FAM47E: variants seen among roughly 807,000 people sequenced by gnomAD.
FAM47E encodes family with sequence similarity 47 member E.
A neutral mutation model predicts 41.6 loss-of-function variants in FAM47E; 32 were observed. The observed-to-expected ratio is 0.77, with a 90% CI of 0.58 to 1.03. The LOEUF (loss-of-function observed/expected upper bound fraction) is 1.03. Ranked by LOEUF, FAM47E falls within the 50% of genes least tolerant of loss-of-function variation. The probability of loss-of-function intolerance (pLI) is 0.00; values close to 1 mark genes in which losing one functional copy is unlikely to be tolerated. For synonymous variants in FAM47E, 184 were observed against 188.7 expected (o/e 0.98, Z 0.20); for missense variants, 424 against 485.4 (o/e 0.87, Z 1.19).
chr4:76,233,704 T>A (rs1288734897), intron 2 of FAM47E, among the ~76,000 whole-genome samples: 1 of 151,870 alleles, frequency 6.6e-6, no homozygotes, highest in African/African-American at 2.4e-5. Context: ...TAGGAAAACA[T>A]CCAGATACCA....
chr4:76,245,746 A>G (rs993204954), intron 2 of FAM47E, among the ~76,000 whole-genome samples: 14 of 151,824 alleles, frequency 9.2e-5, no homozygotes, highest in African/African-American at 2.9e-4. Flanking sequence ...TTCATGGCCC[A>G]CTGTTCAACA....
intron 2 of FAM47E, among the ~76,000 whole-genome samples, chr4:76,228,182 A>C (rs4530661): frequency 0.59 from 89,613 of 151,496 alleles, 28,094 homozygotes; most frequent in Non-Finnish European, 0.71. Flanking sequence ...TTTTATTTCA[A>C]GATTTAGAAT....
chr4:76,225,959 A>G (rs939162581), intron 2 of FAM47E, among the ~76,000 whole-genome samples: 2 of 152,258 alleles, frequency 1.3e-5, no homozygotes, highest in Middle Eastern at 3.4e-3. Flanking sequence ...TTTCAGTGAA[A>G]TTGGTACCAA....
intron 2 of FAM47E, among the ~76,000 whole-genome samples, chr4:76,244,886 T>C (rs1035340052): frequency 2.0e-5 from 3 of 152,196 alleles, no homozygotes; most frequent in Non-Finnish European, 2.9e-5. Flanking sequence ...TTATAAGAGG[T>C]ACATTTTTGT....
chr4:76,218,310 A>G (rs1733249491), intron 2 of FAM47E, among the ~76,000 whole-genome samples: 2 of 152,258 alleles, frequency 1.3e-5, no homozygotes, highest in Admixed American at 6.5e-5. Context: ...TACAGCCTCC[A>G]TAAGAAAAAA....
Position 76,256,341 on chromosome 4 carries a change from C to G in FAM47E, c.238C>G (p.His80Asp). ...PVEGFLPQIYHRAPQLAPKKR... is the reference protein window; with the variant it reads ...PVEGFLPQIYDRAPQLAPKKR... ...GGAGGGCTTTCTGCCCCAGATTTAT[C>G]ACAGAGCTCCCCAACTGGCCCCAAA... Residue 80 changes from histidine (H) to aspartate (D), a missense_variant, in exon 2 of 8, where the codon CAC becomes GAC. By Grantham distance (81) the His-to-Asp change is moderately conservative. Transcript: ENST00000424749. The G allele has an allele frequency of 6.4e-7, 1 of 1,551,732 alleles. No homozygotes were observed. The highest frequency in any genetic ancestry group is 8.7e-7 in the Non-Finnish European group (1 of 1,147,022).
chr4:76,227,069 T>C (rs1046829850), intron 2 of FAM47E, among the ~76,000 whole-genome samples: 2 of 152,092 alleles, frequency 1.3e-5, no homozygotes, highest in African/African-American at 4.8e-5. Context: ...TCTGCTGGGT[T>C]TGGGTTTGGT....
chr4:76,272,252 G>A (rs1418781309), intron 5 of FAM47E, among the ~76,000 whole-genome samples: 4 of 152,124 alleles, frequency 2.6e-5, no homozygotes, highest in Non-Finnish European at 4.4e-5. Context: ...GAAGAACAAG[G>A]TAACAGAAAG....
At chr4:76,266,623 TCA>T (rs1210899075) in intron 3 of FAM47E, among the ~76,000 whole-genome samples, 3 of 152,218 alleles carry the variant, frequency 2.0e-5, no homozygotes, top group Non-Finnish European at 4.4e-5. Context: ...AGTCTATTTG[TCA>T]CACAGTAGCT....
chr4:76,240,516 C>T (rs1733686127), intron 2 of FAM47E, among the ~76,000 whole-genome samples: 1 of 152,160 alleles, frequency 6.6e-6, no homozygotes, highest in African/African-American at 2.4e-5. Flanking sequence ...AAGGACTCCC[C>T]ATAAAGCCTG....
At chr4:76,252,823 C>G (rs1205092960) in intron 1 of FAM47E, among the ~76,000 whole-genome samples, 6 of 152,148 alleles carry the variant, frequency 3.9e-5, no homozygotes, top group Admixed American at 1.3e-4. Context: ...TACAGTGGTA[C>G]CATTTTACAT....
intron 2 of FAM47E, among the ~76,000 whole-genome samples, chr4:76,225,897 G>A (rs1245679980): frequency 2.6e-5 from 4 of 152,120 alleles, no homozygotes; most frequent in Admixed American, 6.6e-5. Flanking sequence ...GGTGATACTG[G>A]CTTCATGGAA....
At chr4:76,233,486 C>A (rs1415548950) in intron 2 of FAM47E, among the ~76,000 whole-genome samples, 1 of 152,166 alleles carries the variant, frequency 6.6e-6, no homozygotes, top group Non-Finnish European at 1.5e-5. Flanking sequence ...AAAGGCATCA[C>A]AGCTTTTATC....
At chr4:76,243,489 C>A (rs907234151) in intron 2 of FAM47E, among the ~76,000 whole-genome samples, 1 of 152,148 alleles carries the variant, frequency 6.6e-6, no homozygotes, top group Non-Finnish European at 1.5e-5. Flanking sequence ...TATTTCATAA[C>A]CCACAAAGCA....
At chr4:76,246,884 CATT>C (rs1733838779), upstream of FAM47E, among the ~76,000 whole-genome samples, 1 of 152,064 alleles carries the variant, frequency 6.6e-6, no homozygotes, top group Non-Finnish European at 1.5e-5. Flanking sequence ...ATTCTTAGCT[CATT>C]AATTTTCAAA....
At chr4:76,248,640 T>G (rs192995515), upstream of FAM47E, among the ~76,000 whole-genome samples, 384 of 152,282 alleles carry the variant, frequency 2.5e-3, 1 homozygote, top group Non-Finnish European at 4.7e-3. Flanking sequence ...CTCGTCACCT[T>G]GGTACTTTGT....
intron 7 of FAM47E, chr4:76,282,386 C>T (rs1735392330): frequency 6.6e-6 from 1 of 152,076 alleles, no homozygotes. Context: ...CCCATGTGTC[C>T]GTTTATAGGC....
intron 2 of FAM47E, among the ~76,000 whole-genome samples, chr4:76,236,820 A>T (rs1356621582): frequency 1.3e-5 from 2 of 152,072 alleles, no homozygotes; most frequent in African/African-American, 4.8e-5. Flanking sequence ...GTGGAGACTA[A>T]AGTTCTTATT....
intron 2 of FAM47E, among the ~76,000 whole-genome samples, chr4:76,235,455 A>G (rs1484859238): frequency 6.6e-6 from 1 of 152,246 alleles, no homozygotes; most frequent in Non-Finnish European, 1.5e-5. Flanking sequence ...CTCCTATGCC[A>G]GGGACAGCAG....
Sources: gnomAD v4.1 joint callset for allele counts (sites outside exome capture counted in the v4.1 genomes callset) on GRCh38, gnomAD v4.1.1 for gene constraint, MANE v1.5 for transcripts, NCBI Gene and HGNC (gene_info 2026-07-23, HGNC 2026-07-21) for gene names.